The following RAPGEF5 variants were observed in gnomAD, a reference collection of about 807,000 sequenced individuals.
RAPGEF5 encodes the protein Rap guanine nucleotide exchange factor 5.
A neutral mutation model predicts 125.2 loss-of-function variants in RAPGEF5; 65 were observed. The observed-to-expected ratio is 0.52, with a 90% CI of 0.43 to 0.64. RAPGEF5 has a LOEUF of 0.64. Ranked by LOEUF, RAPGEF5 falls within the 30% of genes least tolerant of loss-of-function variation. RAPGEF5 has a pLI of 0.00. For missense variants in RAPGEF5, 958 were observed against 1,048.1 expected (o/e 0.91, Z 1.19); for synonymous variants, 391 against 385.9 (o/e 1.01, Z -0.16).
intron 10 of RAPGEF5, 135 bp from the exon 11 acceptor site, chr7:22,193,590 G>C (rs1785067006): frequency 6.4e-7 from 1 of 1,551,100 alleles, no homozygotes. Flanking sequence ...GCAGCTCTCG[G>C]TCTGAGAGCG....
chr7:22,261,144 C>T (rs1206795944), intron 7 of RAPGEF5, among the ~76,000 whole-genome samples: 1 of 152,110 alleles, frequency 6.6e-6, no homozygotes, highest in East Asian at 1.9e-4. Context: ...AGCTATTCCA[C>T]ATTTAGTAAT....
At chr7:22,211,279 A>T (rs543615157) in intron 9 of RAPGEF5, among the ~76,000 whole-genome samples, 1 of 152,392 alleles carries the variant, frequency 6.6e-6, no homozygotes, top group Admixed American at 6.5e-5. Context: ...TGAATGACTC[A>T]GAAATCACCA....
chr7:22,320,569 T>G (rs1258471320), intron 1 of RAPGEF5, among the ~76,000 whole-genome samples: 2 of 152,082 alleles, frequency 1.3e-5, no homozygotes, highest in Non-Finnish European at 2.9e-5. Context: ...CCCTTGAAAA[T>G]GCACCCCCCT....
chr7:22,178,333 A>T (rs927933837), intron 11 of RAPGEF5, among the ~76,000 whole-genome samples: 2 of 152,176 alleles, frequency 1.3e-5, no homozygotes, highest in Non-Finnish European at 2.9e-5. Flanking sequence ...TCAACACATC[A>T]ACTGAGTTTC....
chr7:22,356,017 G>A, intron 1 of RAPGEF5: 2 of 985,464 alleles, frequency 2.0e-6, no homozygotes, highest in Non-Finnish European at 2.4e-6. Flanking sequence ...GGAAATCTGA[G>A]TAAGTCAGCT....
intron 20 of RAPGEF5, among the ~76,000 whole-genome samples, chr7:22,142,731 T>C (rs1416470834): frequency 6.6e-6 from 1 of 152,176 alleles, no homozygotes; most frequent in Non-Finnish European, 1.5e-5. Flanking sequence ...AACACTCCTT[T>C]TGTCTTTGTG....
intron 1 of RAPGEF5, among the ~76,000 whole-genome samples, chr7:22,338,436 T>C (rs1282840400): frequency 1.3e-5 from 2 of 152,222 alleles, no homozygotes; most frequent in Non-Finnish European, 2.9e-5. Context: ...ACTATGTATT[T>C]TGAAATTTGT....
intron 4 of RAPGEF5, 69 bp downstream of exon 4, chr7:22,309,900 A>T (rs995315994): frequency 6.9e-7 from 1 of 1,456,934 alleles, no homozygotes; most frequent in African/African-American, 1.5e-5. Context: ...TCCTCTAGAA[A>T]ATCAAGTGTA....
At chr7:22,215,597 T>C (rs1785617935) in intron 9 of RAPGEF5, among the ~76,000 whole-genome samples, 2 of 152,172 alleles carry the variant, frequency 1.3e-5, no homozygotes, top group African/African-American at 4.8e-5. Flanking sequence ...TGAACAAAAG[T>C]TAGCAAATGA....
In RAPGEF5 at chr7:22,122,377, C is replaced by T. The variant is rs763108261; in HGVS notation, c.*29G>A. On this transcript the variant is annotated 3_prime_UTR_variant, in exon 26 of 26. Transcript: ENST00000665637. ...GACATTCCCGTAGCTCAAAGTGCTGCAGATACAGGGGAGGTGAGGCAGTGG... is the reference window on the plus strand; with the variant it reads ...GACATTCCCGTAGCTCAAAGTGCTGTAGATACAGGGGAGGTGAGGCAGTGG... 1 of 1,532,170 alleles carries T rather than the reference C, an allele frequency of 6.5e-7. No individual in the cohort carries two copies. Among genetic ancestry groups the T allele is most frequent in the Non-Finnish European group, 9.0e-7 (1 of 1,107,360 alleles). The allele number at this position is 1,532,170 out of a possible 1,614,324, so 94.9% of individuals were successfully genotyped here. A position where few individuals can be genotyped will look rare whatever the true frequency, so the allele number is the denominator to read the frequency against.
chr7:22,155,500 T>G (rs965200652), intron 16 of RAPGEF5, among the ~76,000 whole-genome samples: 1 of 151,996 alleles, frequency 6.6e-6, no homozygotes, highest in Non-Finnish European at 1.5e-5. Flanking sequence ...AAATTGAGAG[T>G]GAAGCTTCTG....
At chr7:22,212,149 A>G (rs1391068010) in intron 9 of RAPGEF5, among the ~76,000 whole-genome samples, 1 of 151,590 alleles carries the variant, frequency 6.6e-6, no homozygotes, top group Non-Finnish European at 1.5e-5. Context: ...AATTTTTTGT[A>G]TTTTTAGTAC....
At chr7:22,211,200 A>C (rs1785499954) in intron 9 of RAPGEF5, among the ~76,000 whole-genome samples, 1 of 152,212 alleles carries the variant, frequency 6.6e-6, no homozygotes, top group Admixed American at 6.5e-5. Flanking sequence ...AAGGAAAAAA[A>C]GGTTCTTTGC....
intron 1 of RAPGEF5, among the ~76,000 whole-genome samples, chr7:22,329,229 A>G (rs2128157322): frequency 6.6e-6 from 1 of 152,320 alleles, no homozygotes; most frequent in South Asian, 2.1e-4. Flanking sequence ...TCTTTTATTC[A>G]GCTAAGCTAG....
intron 20 of RAPGEF5, among the ~76,000 whole-genome samples, chr7:22,143,147 C>T (rs1397473930): frequency 6.6e-6 from 1 of 152,096 alleles, no homozygotes; most frequent in African/African-American, 2.4e-5. Context: ...CCCAAAAGAG[C>T]CTCACCTTTA....
chr7:22,173,000 A>G (rs1784396543), intron 11 of RAPGEF5, among the ~76,000 whole-genome samples: 1 of 152,236 alleles, frequency 6.6e-6, no homozygotes, highest in Non-Finnish European at 1.5e-5. Context: ...ATTAACTCAT[A>G]TTCCCTGAAG....
intron 6 of RAPGEF5, among the ~76,000 whole-genome samples, chr7:22,282,223 A>G (rs961152329): frequency 6.6e-6 from 1 of 152,176 alleles, no homozygotes; most frequent in Non-Finnish European, 1.5e-5. Flanking sequence ...ATTCACCTCT[A>G]CATGGTAAGC....
At chr7:22,251,698 C>T (rs932059729) in intron 7 of RAPGEF5, among the ~76,000 whole-genome samples, 5 of 143,238 alleles carry the variant, frequency 3.5e-5, no homozygotes, top group African/African-American at 1.3e-4. Context: ...AAATAAAAAC[C>T]TGTCCACATT....
Position 22,156,879 on chromosome 7 carries a change from G to C in RAPGEF5, c.1567C>G (p.Leu523Val). 3 of 1,613,912 alleles carry C rather than the reference G, an allele frequency of 1.9e-6. No homozygotes were observed. In the East Asian group the frequency reaches 6.7e-5, roughly 36 times the overall value. ...EYSPQKKNKA[L>V]FHQFSLKENW... is the part of the protein sequence containing the mutation. ...TCCTTAAGACTGAATTGGTGGAAAA[G>C]GGCTTTATTCTGTGAGATGGGAGAA... Residue 523 changes from leucine to valine, a missense_variant, in exon 16 of 26, where the codon CTT becomes GTT. Transcript: ENST00000665637.
Sources: gnomAD v4.1 joint callset for allele counts (sites outside exome capture counted in the v4.1 genomes callset) on GRCh38, gnomAD v4.1.1 for gene constraint, MANE v1.5 for transcripts, NCBI Gene and HGNC (gene_info 2026-07-23, HGNC 2026-07-21) for gene names.